Variants in TMEM270 observed in about 807,000 individuals in gnomAD.
The protein encoded by TMEM270 is Williams-Beuren syndrome chromosome region 28.
A neutral mutation model predicts 29.9 loss-of-function variants in TMEM270; 30 were observed. The observed-to-expected ratio is 1.00, with a 90% confidence interval of 0.75 to 1.36. The LOEUF (loss-of-function observed/expected upper bound fraction) is 1.36. TMEM270 is among the 40% of genes most tolerant of loss of function. The pLI is 0.00. For synonymous variants in TMEM270, 135 were observed against 139.8 expected, an observed-to-expected ratio of 0.97 and a Z score of 0.24; for missense variants, 313 against 307.1, an observed-to-expected ratio of 1.02 and a Z score of -0.14.
Position 73,865,740 on chromosome 7 carries a change from C to A in TMEM270, c.665C>A (p.Thr222Lys). Reference sequence around the variant, plus strand: ...CTGCTGCAGGCTGCCTTTGAGCACACGACCCAGCTGGCCGAGGCCCAGGAG... The same window carrying A: ...CTGCTGCAGGCTGCCTTTGAGCACAAGACCCAGCTGGCCGAGGCCCAGGAG... ...SHLLQAAFEH[T>K]TQLAEAQEVE... The change falls in exon 3 of 3, where the codon ACG (threonine) becomes AAG (lysine). Residue 222 changes from threonine (T) to lysine (K), a missense_variant. By Grantham distance (78) the Thr-to-Lys change is moderately conservative. Coordinates refer to ENST00000320531, the MANE Select transcript of TMEM270 (RefSeq NM_182504.4). 1 of 1,614,140 alleles carries A rather than the reference C, an allele frequency of 6.2e-7. No homozygotes were observed. Among genetic ancestry groups the A allele is most frequent in the Non-Finnish European group, 8.5e-7 (1 of 1,180,024 alleles).
Position 73,865,779 on chromosome 7 carries a change from A to G in TMEM270, c.704A>G (p.Glu235Gly), listed in dbSNP as rs1320069524. The G allele has an allele frequency of 8.7e-6, 14 of 1,613,968 alleles. No individual in the cohort carries two copies. The highest frequency in any genetic ancestry group is 1.1e-5 in the Non-Finnish European group (13 of 1,180,024). The part of the protein sequence containing the change: ...LAEAQEVEPQ[E>G]VSGSSLLPSL... The stretch of plus-strand genomic sequence containing the variant: ...GAGGCCCAGGAGGTTGAACCCCAGG[A>G]GGTCTCAGGGTCTTCCTTGCTGCCC... Residue 235 changes from glutamate to glycine, a missense_variant, in exon 3 of 3, where the codon GAG becomes GGG. Transcript: ENST00000320531.
chr7:73,861,138 T>C (rs371160928), upstream of TMEM270: 49 of 1,576,448 alleles, frequency 3.1e-5, no homozygotes, highest in African/African-American at 6.1e-4. Flanking sequence ...CCCCACCCTG[T>C]GGCATCTGTG....
chr7:73,865,831 G>A lies in TMEM270; in HGVS notation c.756G>A (p.Glu252=). 1 of 1,613,286 alleles carries A rather than the reference G, an allele frequency of 6.2e-7. No individual in the cohort carries two copies. The highest frequency in any genetic ancestry group is 8.5e-7 in the Non-Finnish European group (1 of 1,179,930). The stretch of plus-strand genomic sequence containing the variant: ...CACTGTCTGCGTCCTCGGACTCAGA[G>A]TCTGGAACAGTTTTGCCAGAGCAAG... ...LPSLSASSDS[E]SGTVLPEQET... is the part of the protein sequence containing the mutation. Residue 252 remains glutamate, a synonymous_variant, in exon 3 of 3, where the codon GAG becomes GAA. Transcript: ENST00000320531.
At chr7:73,861,394 A>G in intron 1 of TMEM270, 128 bp downstream of exon 1, 1 of 804,430 alleles carries the variant, frequency 1.2e-6, no homozygotes, top group East Asian at 2.7e-5. Flanking sequence ...CCTGCCTTCC[A>G]GAATAATCTG....
intron 1 of TMEM270, among the ~76,000 whole-genome samples, chr7:73,864,458 C>T (rs1417649681): frequency 6.6e-6 from 1 of 151,902 alleles, no homozygotes; most frequent in African/African-American, 2.4e-5. Context: ...GGAAAGGAAC[C>T]CAAATACAAT....
At chr7:73,864,955 A>C in intron 1 of TMEM270, 38 bp from the exon 2 acceptor site, 1 of 1,427,376 alleles carries the variant, frequency 7.0e-7, no homozygotes, top group Non-Finnish European at 9.2e-7. Flanking sequence ...CAGGAGGGTG[A>C]TGATGGCTGA....
At position 73,865,360 on chromosome 7, in the gene TMEM270, T is replaced by C; in HGVS notation, c.440T>C (p.Val147Ala). ...ATGTTGGTGGCCTTGCTCTTGGTGGTAGTGACCTGGAGGGTGTGTCAGAAG... is the reference window on the plus strand; with the variant it reads ...ATGTTGGTGGCCTTGCTCTTGGTGGCAGTGACCTGGAGGGTGTGTCAGAAG... ...GLMLVALLLV[V>A]VTWRVCQKSH... The change falls in exon 2 of 3, where the codon GTA becomes GCA. Residue 147 changes from valine to alanine, a missense_variant. Val to Ala is a moderately conservative substitution (Grantham distance 64). Coordinates refer to ENST00000320531, the MANE Select transcript of TMEM270 (RefSeq NM_182504.4). The C allele has an allele frequency of 6.2e-7, 1 of 1,613,618 alleles. No homozygotes were observed. Among genetic ancestry groups the C allele is most frequent in the East Asian group, 2.2e-5 (1 of 44,882 alleles).
At position 73,865,031 on chromosome 7, in the gene TMEM270, C is replaced by T. The variant is rs61742124; in HGVS notation, c.111C>T (p.Leu37=). The change falls in exon 2 of 3, where the codon CTC becomes CTT. Residue 37 remains leucine (L), a synonymous_variant. Coordinates refer to ENST00000320531, the MANE Select transcript of TMEM270 (RefSeq NM_182504.4). Reference sequence around the variant, plus strand: ...GAGATCACCTCTATAATTTCCTGCTCCTCAAGATCAACCTCTTCAACCACT... The same window carrying T: ...GAGATCACCTCTATAATTTCCTGCTTCTCAAGATCAACCTCTTCAACCACT... The part of the protein sequence containing the change: ...QNRDHLYNFL[L]LKINLFNHWV... 0.19 allele frequency: 293,192 copies of T among 1,515,962 alleles called. 29,715 individuals are homozygous for T. The highest frequency in any genetic ancestry group is 0.33 in the Middle Eastern group (1,841 of 5,594). The allele number at this position is 1,515,962 out of a possible 1,614,324, so 93.9% of individuals were successfully genotyped here. A position where few individuals can be genotyped will look rare whatever the true frequency, so the allele number is the denominator to read the frequency against.
intron 1 of TMEM270, among the ~76,000 whole-genome samples, chr7:73,862,583 G>T (rs1226092989): frequency 4.0e-5 from 6 of 151,410 alleles, no homozygotes; most frequent in Non-Finnish European, 8.8e-5. Flanking sequence ...TCTTGGGACC[G>T]GGAGCTGTGG....
chr7:73,865,487 C>A, intron 2 of TMEM270, 66 bp downstream of exon 2: 2 of 1,580,176 alleles, frequency 1.3e-6, no homozygotes, highest in Non-Finnish European at 1.7e-6. Flanking sequence ...GTGGTCAGGG[C>A]TGGCTGGGCT....
intron 1 of TMEM270, among the ~76,000 whole-genome samples, chr7:73,864,114 C>CAAAAAAAAAA (rs34181696): frequency 3.7e-5 from 3 of 81,018 alleles, no homozygotes; most frequent in African/African-American, 9.9e-5. Flanking sequence ...CCCGCCTCTA[C>CAAAAAAAAAA]AAAAAAAAAA....
intron 1 of TMEM270, among the ~76,000 whole-genome samples, chr7:73,864,505 G>A (rs1251819718): frequency 1.3e-5 from 2 of 152,118 alleles, no homozygotes; most frequent in African/African-American, 4.8e-5. Flanking sequence ...TCAGAAGGGA[G>A]TCCTTCAAAG....
At chr7:73,861,405 A>ACGCCTTCCAGAATAATCTGG in intron 1 of TMEM270, 139 bp downstream of exon 1, 1 of 738,830 alleles carries the variant, frequency 1.4e-6, no homozygotes, top group African/African-American at 1.7e-5. Flanking sequence ...GAATAATCTG[A>ACGCCTTCCAGAATAATCTGG]CATCTCCCAG....
At chr7:73,861,481 G>T (rs782789840) in intron 1 of TMEM270, 9 of 650,762 alleles carry the variant, frequency 1.4e-5, no homozygotes, top group Non-Finnish European at 2.5e-5. Context: ...ACAGGGTCTC[G>T]CTCTGTCGCC....
At chr7:73,864,793 C>T (rs974720732) in intron 1 of TMEM270, among the ~76,000 whole-genome samples, 200 bp from the exon 2 acceptor site, 1 of 151,808 alleles carries the variant, frequency 6.6e-6, no homozygotes, top group African/African-American at 2.4e-5. Flanking sequence ...ATCCCAGCTA[C>T]TCAGGAGGCT....
In TMEM270 at chr7:73,861,279, T is replaced by C; in HGVS notation, c.72+13T>C. 1.0e-6 allele frequency: 1 copy of C among 955,098 alleles called. No homozygotes were observed. 59.2% of individuals were successfully genotyped at this position (955,098 alleles called of 1,614,324 possible). A position where few individuals can be genotyped will look rare whatever the true frequency, so the allele number is the denominator to read the frequency against. On this transcript the variant is annotated intron_variant, in intron 1 of 2. Coordinates refer to ENST00000320531, the MANE Select transcript of TMEM270 (RefSeq NM_182504.4). ...GCTCTCAGTGCTGGTGAGTGGGGGC[T>C]GGGGGTAAGTGGGGTGGGGACCACA...
At chr7:73,861,137 G>C, upstream of TMEM270, 1 of 1,575,630 alleles carries the variant, frequency 6.3e-7, no homozygotes, top group South Asian at 1.1e-5. Flanking sequence ...TCCCCACCCT[G>C]TGGCATCTGT....
At position 73,865,750 on chromosome 7, in the gene TMEM270, G is replaced by C. The variant is rs782756909; in HGVS notation, c.675G>C (p.Leu225=). ...CTGCCTTTGAGCACACGACCCAGCT[G>C]GCCGAGGCCCAGGAGGTTGAACCCC... is the stretch of plus-strand genomic sequence containing the variant. ...LQAAFEHTTQ[L]AEAQEVEPQE... is the part of the protein sequence containing the mutation. The change falls in exon 3 of 3, where the codon CTG becomes CTC. Residue 225 remains leucine (L), a synonymous_variant. Transcript: ENST00000320531. 6.2e-7 allele frequency: 1 copy of C among 1,614,066 alleles called. No homozygotes were observed. Among genetic ancestry groups the C allele is most frequent in the East Asian group, 2.2e-5 (1 of 44,874 alleles).
rs782113309 is a variant in TMEM270, at chr7:73,865,162, T to C, written c.242T>C (p.Leu81Pro). The change falls in exon 2 of 3, where the codon CTG becomes CCG. Residue 81 changes from leucine (L) to proline (P), a missense_variant. Physicochemically the swap from Leu to Pro is moderately conservative, Grantham distance 98. Transcript: ENST00000320531. ...CPLGQALWAGLALIQVPVWLV... is the reference protein window; with the variant it reads ...CPLGQALWAGPALIQVPVWLV... ...CTGGGCCAGGCTCTCTGGGCTGGGC[T>C]GGCTCTGATACAGGTCCCCGTATGG... The C allele has an allele frequency of 5.6e-6, 9 of 1,612,224 alleles. No individual in the cohort carries two copies. The highest frequency in any genetic ancestry group is 7.6e-6 in the Non-Finnish European group (9 of 1,178,556).
Sources: allele counts gnomAD v4.1 joint callset (sites outside exome capture counted in the v4.1 genomes callset), GRCh38; gene constraint gnomAD v4.1.1; transcripts MANE v1.5; gene names NCBI Gene and HGNC (gene_info 2026-07-23, HGNC 2026-07-21).